Variants in SH3GLB1 observed in about 807,000 individuals in gnomAD.
The protein encoded by SH3GLB1 is endophilin-B1.
Under a neutral mutation model 42.0 loss-of-function variants are expected in SH3GLB1, and 17 were observed. The ratio of observed to expected loss-of-function variants is 0.40; its 90% CI spans 0.28 to 0.61. The LOEUF is 0.61. SH3GLB1 is among the 20% of genes least tolerant of loss of function. The pLI is 0.36. For synonymous variants in SH3GLB1, 132 were observed against 146.6 expected (o/e 0.90, Z 0.72); for missense variants, 355 against 426.3 (o/e 0.83, Z 1.47).
At chr1:86,719,441 A>G (rs555350795) in intron 2 of SH3GLB1, 66 bp from the exon 3 acceptor site, 69 of 1,451,604 alleles carry the variant, frequency 4.8e-5, no homozygotes, top group Non-Finnish European at 5.8e-5. Context: ...CTGATGGGGG[A>G]AAAAAACAAT....
chr1:86,743,068 G>T, intron 8 of SH3GLB1, 60 bp from the exon 9 acceptor site: 1 of 1,262,716 alleles, frequency 7.9e-7, no homozygotes, highest in Non-Finnish European at 1.1e-6. Flanking sequence ...AAATCTGATT[G>T]GTTTTCTACT....
chr1:86,711,573 A>T (rs988803563), intron 1 of SH3GLB1, among the ~76,000 whole-genome samples: 1 of 152,146 alleles, frequency 6.6e-6, no homozygotes, highest in African/African-American at 2.4e-5. Context: ...TTATTAAACT[A>T]TACTGCCATC....
At chr1:86,730,248 A>G (rs1216425467) in intron 5 of SH3GLB1, 1 of 1,399,614 alleles carries the variant, frequency 7.1e-7, no homozygotes, top group Non-Finnish European at 9.4e-7. Flanking sequence ...AAAATGAGGG[A>G]TATGTTCAGG....
In SH3GLB1 at chr1:86,745,679, T is replaced by G. The variant is rs1043547600; in HGVS notation, c.*2444T>G. The G allele has an allele frequency of 1.6e-4, 24 of 152,208 alleles. No homozygotes were observed. Among genetic ancestry groups the G allele is most frequent in the African/African-American group, 5.6e-4 (23 of 41,440 alleles). The allele number at this position is 152,208 out of a possible 1,614,324, so 9.4% of individuals were successfully genotyped here. ...ACAATATATATGCTTGTTCTTAGGT[T>G]TATTGCTTTTTATTTTAATGGGGTT... On this transcript the variant is annotated 3_prime_UTR_variant, in exon 9 of 9. Transcript: ENST00000370558.
At chr1:86,733,439 C>T (rs263484) in intron 5 of SH3GLB1, among the ~76,000 whole-genome samples, 152,267 of 152,282 alleles carry the variant, frequency 1, 76,126 homozygotes, top group Middle Eastern at 1. Flanking sequence ...TTTTGTTTTT[C>T]GTTTTTTTTA....
chr1:86,738,060 C>T (rs540070538), intron 7 of SH3GLB1, among the ~76,000 whole-genome samples: 15 of 152,300 alleles, frequency 9.8e-5, no homozygotes, highest in African/African-American at 3.6e-4. Context: ...TAGGCTTTAA[C>T]AGAATCATTC....
rs1363621194 is a variant in SH3GLB1, at chr1:86,743,506, T to G, written c.*271T>G. On this transcript the variant is annotated 3_prime_UTR_variant, in exon 9 of 9. Coordinates refer to ENST00000370558, the MANE Select transcript of SH3GLB1 (RefSeq NM_016009.5). ...GCAGCTTCTACTTTTGAGCCTCAAC[T>G]TAAAGCAGAACTGTTTTCTACTGGA... is the stretch of plus-strand genomic sequence containing the variant. 1 of 228,820 alleles carries G rather than the reference T, an allele frequency of 4.4e-6. No homozygotes were observed. Among genetic ancestry groups the G allele is most frequent in the Non-Finnish European group, 8.5e-6 (1 of 117,986 alleles). The allele number at this position is 228,820 out of a possible 1,614,324, so 14.2% of individuals were successfully genotyped here.
At chr1:86,718,457 T>C (rs1418484707) in intron 2 of SH3GLB1, among the ~76,000 whole-genome samples, 7 of 152,240 alleles carry the variant, frequency 4.6e-5, no homozygotes, top group Non-Finnish European at 2.9e-5. Context: ...AACTTCTGAT[T>C]TTGTACTAGA....
chr1:86,730,288 C>T (rs1292083620), intron 5 of SH3GLB1: 1 of 985,188 alleles, frequency 1.0e-6, no homozygotes, highest in East Asian at 1.1e-4. Context: ...CTCCACCAAG[C>T]AGTTGAACAA....
At position 86,705,710 on chromosome 1, in the gene SH3GLB1, A is replaced by G. The variant is rs563714034; in HGVS notation, c.72+739A>G. On this transcript the variant is annotated intron_variant, in intron 1 of 8. Transcript: ENST00000370558. ...AAAGTTGACTACCTCTCGATATTCT[A>G]CAATCAAGGAAGTGTCAGTACTAAG... Among the ~76,000 whole-genome samples, 4 of 152,332 alleles carry G rather than the reference A, an allele frequency of 2.6e-5. No homozygotes were observed. The South Asian group carries it at 6.2e-4, about 24-fold the overall frequency.
rs143357669 is a variant in SH3GLB1 at position 86,728,913 on chromosome 1, T to G, written c.570+4508T>G. 8.7e-3 allele frequency among the ~76,000 whole-genome samples: 1,326 copies of G among 152,250 alleles called. 24 individuals carry two copies. Among genetic ancestry groups the G allele is most frequent in the African/African-American group, 0.031 (1,271 of 41,568 alleles). Reference sequence around the variant, plus strand: ...CCAAACTCAACATAGAATTAATTTTTTCTGCCATTTCAGGCCAAGACAGAC... The same window carrying G: ...CCAAACTCAACATAGAATTAATTTTGTCTGCCATTTCAGGCCAAGACAGAC... On this transcript the variant is annotated intron_variant, in intron 5 of 8. Transcript: ENST00000370558.
rs1043283757 is a variant in SH3GLB1, at chr1:86,743,153, G to A, written c.1016G>A (p.Gly339Glu). 3 of 1,613,462 alleles carry A rather than the reference G, an allele frequency of 1.9e-6. No homozygotes were observed. The Admixed American group carries it at 5.0e-5, about 27-fold the overall frequency. ...DEVITVFSVVGMDSDWLMGER... is the reference protein window; with the variant it reads ...DEVITVFSVVEMDSDWLMGER... Reference sequence around the variant, plus strand: ...GTGATCACTGTGTTCAGTGTTGTTGGAATGGATTCAGACTGGCTAATGGGG... The same window carrying A: ...GTGATCACTGTGTTCAGTGTTGTTGAAATGGATTCAGACTGGCTAATGGGG... The change falls in exon 9 of 9, where the codon GGA becomes GAA. Residue 339 changes from glycine to glutamate, a missense_variant. Coordinates refer to ENST00000370558, the MANE Select transcript of SH3GLB1 (RefSeq NM_016009.5).
At chr1:86,724,892 A>AAAAT (rs1291454820) in intron 5 of SH3GLB1, among the ~76,000 whole-genome samples, 24 of 99,676 alleles carry the variant, frequency 2.4e-4, no homozygotes, top group African/African-American at 6.5e-4. Flanking sequence ...AAAAAAAAAA[A>AAAAT]ATATATATAT....
intron 4 of SH3GLB1, among the ~76,000 whole-genome samples, chr1:86,723,881 C>T (rs1211501523): frequency 2.0e-5 from 3 of 152,120 alleles, no homozygotes; most frequent in East Asian, 3.9e-4. Flanking sequence ...CCACTAATGA[C>T]GTTTTGGGCT....
At chr1:86,706,254 A>T (rs1653860041) in intron 1 of SH3GLB1, among the ~76,000 whole-genome samples, 1 of 152,252 alleles carries the variant, frequency 6.6e-6, no homozygotes, top group Non-Finnish European at 1.5e-5. Flanking sequence ...TTCCGGGATA[A>T]GCATTCCAGA....
intron 8 of SH3GLB1, among the ~76,000 whole-genome samples, chr1:86,742,666 T>A (rs977782129): frequency 2.0e-5 from 3 of 152,110 alleles, no homozygotes; most frequent in African/African-American, 7.2e-5. Flanking sequence ...TCCAATAAGA[T>A]CCTTTATCTA....
chr1:86,734,694 G>C lies in SH3GLB1; in HGVS notation c.660+3G>C. 6.2e-7 allele frequency: 1 copy of C among 1,606,566 alleles called. No individual in the cohort carries two copies. The highest frequency in any genetic ancestry group is 8.5e-7 in the Non-Finnish European group (1 of 1,174,132). ...TAGAGGGAATCAGCAGTACACATGT[G>C]AGTATTCATTCATTGGAAATTCATT... On this transcript the variant is annotated splice_donor_region_variant and intron_variant, in intron 6 of 8. Transcript: ENST00000370558.
chr1:86,713,816 C>T (rs192583952), intron 1 of SH3GLB1, among the ~76,000 whole-genome samples: 92 of 152,248 alleles, frequency 6.0e-4, no homozygotes, highest in Admixed American at 5.7e-3. Flanking sequence ...CATGTTGGTC[C>T]GCTTTACCAT....
chr1:86,711,398 G>A (rs888104905), intron 1 of SH3GLB1, among the ~76,000 whole-genome samples: 2 of 151,512 alleles, frequency 1.3e-5, no homozygotes, highest in Non-Finnish European at 2.9e-5. Context: ...ATATAAAAGG[G>A]GATTAAACTT....
Sources: gnomAD v4.1 joint callset for allele counts (sites outside exome capture counted in the v4.1 genomes callset) on GRCh38, gnomAD v4.1.1 for gene constraint, MANE v1.5 for transcripts, NCBI Gene and HGNC (gene_info 2026-07-23, HGNC 2026-07-21) for gene names.